The following TOMM40L variants were observed in gnomAD, a reference collection of about 807,000 sequenced individuals.
TOMM40L encodes the protein mitochondrial import receptor subunit TOM40B.
Under a neutral mutation model 38.3 loss-of-function variants are expected in TOMM40L, and 17 were observed. The ratio of observed to expected loss-of-function variants is 0.44; its 90% confidence interval spans 0.30 to 0.67. The LOEUF (loss-of-function observed/expected upper bound fraction) is 0.67. Among genes scored for constraint, TOMM40L ranks in the 30% least tolerant of loss-of-function variants. The pLI is 0.08. For synonymous variants in TOMM40L, 151 were observed against 150.2 expected (o/e 1.01, Z -0.04); for missense variants, 294 against 390.0 (o/e 0.75, Z 2.07).
rs74124676 is a variant in TOMM40L, at chr1:161,227,998, C to A, written c.484+9C>A. 5.0e-6 allele frequency: 8 copies of A among 1,613,256 alleles called. No homozygotes were observed. Among genetic ancestry groups the A allele is most frequent in the Non-Finnish European group, 5.9e-6 (7 of 1,179,406 alleles). On this transcript the variant is annotated intron_variant, in intron 6 of 9. Transcript: ENST00000367988. ...CCTGATTGGGGAGTCGGGTGAGGAA[C>A]TGGGACAGGGTTCTTTTTATCTTGG...
rs770736555 is a variant in TOMM40L at position 161,229,883 on chromosome 1, T to C, written c.*788T>C. 6.2e-7 allele frequency: 1 copy of C among 1,614,180 alleles called. No individual in the cohort carries two copies. Among genetic ancestry groups the C allele is most frequent in the Non-Finnish European group, 8.5e-7 (1 of 1,180,038 alleles). ...TGGTACCCGTAGGCCTCATTAATGC[T>C]CCGGAGCTCAGCCAGCAGGCCTAGC... On this transcript the variant is annotated 3_prime_UTR_variant, in exon 10 of 10. Coordinates refer to ENST00000367988, the MANE Select transcript of TOMM40L (RefSeq NM_032174.6).
At chr1:161,226,645 G>A in intron 2 of TOMM40L, 41 bp downstream of exon 2, 4 of 1,581,156 alleles carry the variant, frequency 2.5e-6, no homozygotes, top group Non-Finnish European at 3.5e-6. Context: ...TGAAGGGGCA[G>A]AGGAGTGGAG....
rs1666810959 is a variant in TOMM40L, at chr1:161,230,134, C to T, written c.*1039C>T. 3.5e-6 allele frequency: 2 copies of T among 579,288 alleles called. No individual in the cohort carries two copies. Among genetic ancestry groups the T allele is most frequent in the Non-Finnish European group, 6.0e-6 (2 of 333,586 alleles). The allele number at this position is 579,288 out of a possible 1,614,324, so 35.9% of individuals were successfully genotyped here. Reference sequence around the variant, plus strand: ...TCTGACACTGTCTTCTCTCACCATGCTCAGTTTTTTCTGAACCCAGAGCTC... The same window carrying T: ...TCTGACACTGTCTTCTCTCACCATGTTCAGTTTTTTCTGAACCCAGAGCTC... On this transcript the variant is annotated 3_prime_UTR_variant, in exon 10 of 10. Coordinates refer to ENST00000367988, the MANE Select transcript of TOMM40L (RefSeq NM_032174.6).
rs116828203 is a variant in TOMM40L at position 161,230,595 on chromosome 1, A to T, written c.*1500A>T. Reference sequence around the variant, plus strand: ...TTTGCATCTGTACTGAATAAAAAAAAAATCTGGAAAAAGTGAGATGAAACA... The same window carrying T: ...TTTGCATCTGTACTGAATAAAAAAATAATCTGGAAAAAGTGAGATGAAACA... On this transcript the variant is annotated 3_prime_UTR_variant, in exon 10 of 10. Transcript: ENST00000367988. 22 of 642,340 alleles carry T rather than the reference A, an allele frequency of 3.4e-5. No individual in the cohort carries two copies. The highest frequency in any genetic ancestry group is 5.3e-5 in the Non-Finnish European group (20 of 376,130). The allele number at this position is 642,340 out of a possible 1,614,324, so 39.8% of individuals were successfully genotyped here. A position where few individuals can be genotyped will look rare whatever the true frequency, so the allele number is the denominator to read the frequency against.
In TOMM40L at chr1:161,230,120, C is replaced by T. The variant is rs1666805251; in HGVS notation, c.*1025C>T. ...CCAGGGGGCCTCGGTCTGACACTGT[C>T]TTCTCTCACCATGCTCAGTTTTTTC... is the stretch of plus-strand genomic sequence containing the variant. On this transcript the variant is annotated 3_prime_UTR_variant, in exon 10 of 10. Transcript: ENST00000367988. 1.7e-6 allele frequency: 1 copy of T among 603,744 alleles called. No homozygotes were observed. The highest frequency in any genetic ancestry group is 2.9e-6 in the Non-Finnish European group (1 of 350,498). 37.4% of individuals were successfully genotyped at this position (603,744 alleles called of 1,614,324 possible). A position where few individuals can be genotyped will look rare whatever the true frequency, so the allele number is the denominator to read the frequency against.
rs1571677346 is a variant in TOMM40L at position 161,230,699 on chromosome 1, A to T, written c.*1604A>T. The T allele has an allele frequency of 6.9e-7, 1 of 1,443,602 alleles. No homozygotes were observed. The allele number at this position is 1,443,602 out of a possible 1,614,324, so 89.4% of individuals were successfully genotyped here. A position where few individuals can be genotyped will look rare whatever the true frequency, so the allele number is the denominator to read the frequency against. On this transcript the variant is annotated 3_prime_UTR_variant, in exon 10 of 10. Transcript: ENST00000367988. ...CCAGGGGGAAGGACTAGACCCCACG[A>T]TACCTGAATTCCCTAAGGAAAGGAC...
intron 3 of TOMM40L, 37 bp from the exon 4 acceptor site, chr1:161,227,221 G>T: frequency 6.3e-7 from 1 of 1,584,248 alleles, no homozygotes; most frequent in South Asian, 1.1e-5. Context: ...AGTGGAGCAG[G>T]AATGCGCTTT....
intron 4 of TOMM40L, 105 bp downstream of exon 4, chr1:161,227,455 T>C (rs1666422110): frequency 8.8e-7 from 1 of 1,133,526 alleles, no homozygotes; most frequent in Non-Finnish European, 1.3e-6. Context: ...GGCCGTAACC[T>C]GATTCTCTGT....
At chr1:161,227,206 A>G (rs773623735) in intron 3 of TOMM40L, 52 bp from the exon 4 acceptor site, 1 of 1,546,496 alleles carries the variant, frequency 6.5e-7, no homozygotes, top group Non-Finnish European at 8.9e-7. Context: ...GGGATGAGGG[A>G]TTGAAGTGGA....
chr1:161,229,823 G>A lies in TOMM40L; in HGVS notation c.*728G>A, dbSNP rs1571662182. The A allele has an allele frequency of 1.2e-6, 2 of 1,614,214 alleles. No individual in the cohort carries two copies. The highest frequency in any genetic ancestry group is 4.5e-5 in the East Asian group (2 of 44,886). ...CAGCTGCAGATCTCCTGGAGCAGCG[G>A]CATCATGGCAGACAGGCCCTGGATG... On this transcript the variant is annotated 3_prime_UTR_variant, in exon 10 of 10. Coordinates refer to ENST00000367988, the MANE Select transcript of TOMM40L (RefSeq NM_032174.6).
At chr1:161,228,037 A>C in intron 6 of TOMM40L, 48 bp downstream of exon 6, 1 of 1,606,168 alleles carries the variant, frequency 6.2e-7, no homozygotes, top group Non-Finnish European at 8.5e-7. Flanking sequence ...CCCATTTGCT[A>C]ATGTTACTAT....
rs777613665 is a variant in TOMM40L, at chr1:161,226,922, C to T, written c.150C>T (p.Leu50=). The change falls in exon 3 of 10, where the codon CTC becomes CTT. Residue 50 remains leucine (L), a synonymous_variant. Transcript: ENST00000367988. ...VFPAQMEGVK[L]VVNKVLSSHF... ...CAGCACAGATGGAGGGAGTGAAGCTCGTTGTCAACAAGGTTCTGAGCAGCC... is the reference window on the plus strand; with the variant it reads ...CAGCACAGATGGAGGGAGTGAAGCTTGTTGTCAACAAGGTTCTGAGCAGCC... 7 of 1,614,036 alleles carry T rather than the reference C, an allele frequency of 4.3e-6. No homozygotes were observed. The highest frequency in any genetic ancestry group is 5.9e-6 in the Non-Finnish European group (7 of 1,180,026).
chr1:161,229,046 A>G lies in TOMM40L; in HGVS notation c.878A>G (p.Asn293Ser), dbSNP rs539106614. 3.1e-6 allele frequency: 5 copies of G among 1,613,966 alleles called. No individual in the cohort carries two copies. The highest frequency in any genetic ancestry group is 1.6e-4 in the Middle Eastern group (1 of 6,084). The change falls in exon 10 of 10, where the codon AAT (asparagine) becomes AGT (serine). Residue 293 changes from asparagine (N) to serine (S), a missense_variant. Coordinates refer to ENST00000367988, the MANE Select transcript of TOMM40L (RefSeq NM_032174.6). ...ACCCTAGCCCTTGGAGCCTTCCTCA[A>G]TCACTGGCGCAACAGATTCCATTGT... Reference protein sequence around the residue: ...PVTLALGAFLNHWRNRFHCGF... With the variant: ...PVTLALGAFLSHWRNRFHCGF...
In TOMM40L at chr1:161,226,538, A is replaced by C. The variant is rs765713495; in HGVS notation, c.49A>C (p.Ser17Arg). 6.2e-6 allele frequency: 10 copies of C among 1,614,016 alleles called. No individual in the cohort carries two copies. The Admixed American group carries it at 1.5e-4, about 24-fold the overall frequency. The part of the protein sequence containing the change: ...LAPMGTLPRR[S>R]PRREEPLPNP... ...ACCAATGGGGACTTTGCCCCGCCGG[A>C]GCCCCCGCCGAGAGGAACCCCTGCC... The change falls in exon 2 of 10, where the codon AGC (serine) becomes CGC (arginine). Residue 17 changes from serine to arginine, a missense_variant. Physicochemically the swap from Ser to Arg is moderately radical, Grantham distance 110 (BLOSUM62 -1). Transcript: ENST00000367988.
chr1:161,226,103 CGG>C lies in TOMM40L; in HGVS notation c.-164_-163del, dbSNP rs1244229255. The stretch of plus-strand genomic sequence containing the variant: ...CCCCATCAAGATGACCGGGGTGTGC[CGG>C]GGGGAAAGGGGCAGCATGATGGTCT... On this transcript the variant is annotated 5_prime_UTR_variant, in exon 1 of 10. It removes the in-frame stop codon of an upstream open reading frame in the 5' UTR. Transcript: ENST00000367988. 1 of 166,504 alleles carries C rather than the reference CGG, an allele frequency of 6.0e-6. No individual in the cohort carries two copies. The highest frequency in any genetic ancestry group is 1.3e-5 in the Non-Finnish European group (1 of 77,134). The allele number at this position is 166,504 out of a possible 1,614,324, so 10.3% of individuals were successfully genotyped here.
Position 161,229,907 on chromosome 1 carries a change from G to A in TOMM40L, c.*812G>A. Reference sequence around the variant, plus strand: ...CTCCGGAGCTCAGCCAGCAGGCCTAGCAACTTCGCATACAGAAACCTTTGG... The same window carrying A: ...CTCCGGAGCTCAGCCAGCAGGCCTAACAACTTCGCATACAGAAACCTTTGG... On this transcript the variant is annotated 3_prime_UTR_variant, in exon 10 of 10. Coordinates refer to ENST00000367988, the MANE Select transcript of TOMM40L (RefSeq NM_032174.6). 7.4e-6 allele frequency: 12 copies of A among 1,614,182 alleles called. No individual in the cohort carries two copies. Among genetic ancestry groups the A allele is most frequent in the Non-Finnish European group, 9.3e-6 (11 of 1,180,036 alleles).
In TOMM40L at chr1:161,229,785, G is replaced by C; in HGVS notation, c.*690G>C. The C allele has an allele frequency of 6.2e-7, 1 of 1,614,260 alleles. No homozygotes were observed. On this transcript the variant is annotated 3_prime_UTR_variant, in exon 10 of 10. Coordinates refer to ENST00000367988, the MANE Select transcript of TOMM40L (RefSeq NM_032174.6). ...TGTTCCAGGTGAGCTGGGGAAGGAA[G>C]TGAGCATGGCCTCAGCTGCAGATCT...
chr1:161,227,615 A>G (rs1666430817), intron 4 of TOMM40L, 21 bp from the exon 5 acceptor site: 3 of 1,604,558 alleles, frequency 1.9e-6, no homozygotes, highest in Middle Eastern at 1.8e-4. Context: ...CAGCCTTACT[A>G]CTGTGTACAC....
In TOMM40L at chr1:161,229,905, T is replaced by G. The variant is rs150124500; in HGVS notation, c.*810T>G. 1.5e-3 allele frequency: 2,365 copies of G among 1,614,182 alleles called. 5 individuals are homozygous for G. The highest frequency in any genetic ancestry group is 1.8e-3 in the Non-Finnish European group (2,077 of 1,180,032). ...TGCTCCGGAGCTCAGCCAGCAGGCC[T>G]AGCAACTTCGCATACAGAAACCTTT... On this transcript the variant is annotated 3_prime_UTR_variant, in exon 10 of 10. Coordinates refer to ENST00000367988, the MANE Select transcript of TOMM40L (RefSeq NM_032174.6).
Sources: gnomAD v4.1 joint callset for allele counts on GRCh38, gnomAD v4.1.1 for gene constraint, MANE v1.5 for transcripts, NCBI Gene and HGNC (gene_info 2026-07-23, HGNC 2026-07-21) for gene names.